XYLT1: variants seen among roughly 807,000 people sequenced by gnomAD.
XYLT1 encodes beta-D-xylosyltransferase 1.
Under a neutral mutation model 91.3 loss-of-function variants are expected in XYLT1, and 36 were observed. That is an observed-to-expected ratio of 0.39 (90% CI 0.30 to 0.52). The LOEUF is 0.52. XYLT1 is among the 20% of genes least tolerant of loss of function. The probability of loss-of-function intolerance (pLI) is 0.68; values close to 1 mark genes in which losing one functional copy is unlikely to be tolerated. For synonymous variants in XYLT1, 588 were observed against 532.0 expected, an observed-to-expected ratio of 1.11 and a Z score of -1.45; for missense variants, 1,242 against 1,284.5, an observed-to-expected ratio of 0.97 and a Z score of 0.51.
chr16:17,165,738 G>A (rs73520913), intron 5 of XYLT1, among the ~76,000 whole-genome samples: 7,960 of 152,234 alleles, frequency 0.052, 277 homozygotes, highest in African/African-American at 0.095. Flanking sequence ...ATGCCCTAGT[G>A]ATGGACACTT....
chr16:17,299,361 T>A (rs889894992), intron 2 of XYLT1, among the ~76,000 whole-genome samples: 4 of 152,122 alleles, frequency 2.6e-5, no homozygotes, highest in Non-Finnish European at 5.9e-5. Flanking sequence ...CAGGACCAGA[T>A]AAAGGAGGCC....
At chr16:17,458,054 T>C (rs1374479967) in intron 1 of XYLT1, among the ~76,000 whole-genome samples, 1 of 152,194 alleles carries the variant, frequency 6.6e-6, no homozygotes, top group Non-Finnish European at 1.5e-5. Flanking sequence ...TACATTAGCT[T>C]TCCATTACCA....
chr16:17,368,655 G>T (rs1253137958), intron 1 of XYLT1, among the ~76,000 whole-genome samples: 1 of 150,562 alleles, frequency 6.6e-6, no homozygotes, highest in Non-Finnish European at 1.5e-5. Context: ...TGTAATCATG[G>T]CTCACCACAG....
At chr16:17,250,356 CACA>C (rs2033517666) in intron 3 of XYLT1, 1 of 152,324 alleles carries the variant, frequency 6.6e-6, no homozygotes. Context: ...AACAGCATTT[CACA>C]ACAAGTGAAA....
chr16:17,218,459 G>C (rs780017035), intron 3 of XYLT1, among the ~76,000 whole-genome samples: 4 of 151,886 alleles, frequency 2.6e-5, no homozygotes, highest in Non-Finnish European at 5.9e-5. Context: ...AGGGCCACTG[G>C]GTATTTTTTC....
intron 2 of XYLT1, among the ~76,000 whole-genome samples, chr16:17,317,478 C>G (rs76543114): frequency 0.047 from 7,142 of 151,194 alleles, 581 homozygotes; most frequent in African/African-American, 0.16. Context: ...ACACAAAATA[C>G]AAAACTTAGC....
At chr16:17,264,250 G>C (rs1353532535) in intron 2 of XYLT1, among the ~76,000 whole-genome samples, 1 of 152,068 alleles carries the variant, frequency 6.6e-6, no homozygotes, top group African/African-American at 2.4e-5. Context: ...CCAACTCCTG[G>C]CAACTACTAC....
chr16:17,449,421 A>G (rs918371904), intron 1 of XYLT1, among the ~76,000 whole-genome samples: 5 of 152,202 alleles, frequency 3.3e-5, no homozygotes, highest in Admixed American at 1.3e-4. Context: ...GGCTGCGGGG[A>G]CGGGGCAGGC....
intron 2 of XYLT1, among the ~76,000 whole-genome samples, chr16:17,295,424 C>T (rs2034295537): frequency 1.3e-5 from 2 of 151,906 alleles, no homozygotes; most frequent in South Asian, 2.1e-4. Flanking sequence ...GGTACGATCT[C>T]GGCTCACTGC....
intron 10 of XYLT1, among the ~76,000 whole-genome samples, chr16:17,120,311 T>C (rs141088877): frequency 3.1e-4 from 29 of 93,646 alleles, no homozygotes; most frequent in African/African-American, 1.0e-3. Flanking sequence ...TCTTGGTTTC[T>C]AAGTCCAGTT....
intron 3 of XYLT1, among the ~76,000 whole-genome samples, chr16:17,206,300 T>A (rs2032642739): frequency 6.6e-6 from 1 of 152,094 alleles, no homozygotes; most frequent in Non-Finnish European, 1.5e-5. Flanking sequence ...GGGTGGGAGA[T>A]GCCTTTATCC....
At chr16:17,110,509 C>G (rs1277239285) in intron 11 of XYLT1, among the ~76,000 whole-genome samples, 1 of 152,124 alleles carries the variant, frequency 6.6e-6, no homozygotes, top group Non-Finnish European at 1.5e-5. Flanking sequence ...TTTGCTTCTC[C>G]TTTGCCTTCC....
intron 1 of XYLT1, among the ~76,000 whole-genome samples, chr16:17,364,695 C>T (rs909145581): frequency 6.6e-6 from 1 of 152,182 alleles, no homozygotes; most frequent in Admixed American, 6.5e-5. Flanking sequence ...AGGGAGGTAT[C>T]ATGATCCCCA....
intron 7 of XYLT1, among the ~76,000 whole-genome samples, chr16:17,139,640 G>C (rs1016877375): frequency 6.6e-6 from 1 of 152,144 alleles, no homozygotes; most frequent in African/African-American, 2.4e-5. Context: ...TTGCCTACAA[G>C]CCCAGGGAGG....
chr16:17,248,013 C>T (rs55650225), intron 3 of XYLT1, among the ~76,000 whole-genome samples: 18,316 of 152,190 alleles, frequency 0.12, 1,456 homozygotes, highest in Admixed American at 0.18. Context: ...AGACCCTTAC[C>T]TTTGGGGCTG....
chr16:17,137,903 CAG>C, intron 8 of XYLT1, among the ~76,000 whole-genome samples: 1 of 152,304 alleles, frequency 6.6e-6, no homozygotes, highest in East Asian at 1.9e-4. Flanking sequence ...CATGTCCCAA[CAG>C]AGAATCATCC....
intron 2 of XYLT1, among the ~76,000 whole-genome samples, chr16:17,265,579 C>T (rs1657030971): frequency 6.6e-6 from 1 of 152,196 alleles, no homozygotes; most frequent in Non-Finnish European, 1.5e-5. Flanking sequence ...TGCTAGAATC[C>T]ATTTTTATTC....
At chr16:17,272,103 G>A (rs2033903920) in intron 2 of XYLT1, among the ~76,000 whole-genome samples, 1 of 151,416 alleles carries the variant, frequency 6.6e-6, no homozygotes, top group African/African-American at 2.4e-5. Context: ...TTTGGGCAGT[G>A]GATAGTCTTT....
At chr16:17,437,609 T>C (rs762793910) in intron 1 of XYLT1, among the ~76,000 whole-genome samples, 2 of 152,076 alleles carry the variant, frequency 1.3e-5, no homozygotes, top group Non-Finnish European at 2.9e-5. Flanking sequence ...TATCACCTGG[T>C]CCAACAAGAA....
Sources: gnomAD v4.1 joint callset for allele counts (sites outside exome capture counted in the v4.1 genomes callset) on GRCh38, gnomAD v4.1.1 for gene constraint, MANE v1.5 for transcripts, NCBI Gene and HGNC (gene_info 2026-07-23, HGNC 2026-07-21) for gene names.